The following SLC35F1 variants were observed in gnomAD, a reference collection of about 807,000 sequenced individuals.
SLC35F1 encodes chromosome 6 open reading frame 169.
Under a neutral mutation model 48.7 loss-of-function variants are expected in SLC35F1, and 14 were observed. That is an observed-to-expected ratio of 0.29 (90% CI 0.19 to 0.45). The LOEUF is 0.45. SLC35F1 is among the 20% of genes least tolerant of loss of function. SLC35F1 has a pLI of 1.00. For missense variants in SLC35F1, 404 were observed against 500.0 expected (o/e 0.81, Z 1.83); for synonymous variants, 190 against 202.2 (o/e 0.94, Z 0.51).
chr6:118,117,452 A>G (rs898787906), intron 1 of SLC35F1, among the ~76,000 whole-genome samples: 3 of 152,148 alleles, frequency 2.0e-5, no homozygotes, highest in African/African-American at 7.2e-5. Context: ...AATAAATGAT[A>G]TGTTTCCTGG....
At chr6:118,008,438 G>T (rs183770188) in intron 1 of SLC35F1, among the ~76,000 whole-genome samples, 124 of 152,270 alleles carry the variant, frequency 8.1e-4, no homozygotes, top group African/African-American at 2.7e-3. Context: ...ATATGTTGGG[G>T]TCAATATTTA....
At chr6:118,096,959 T>C (rs1773185575) in intron 1 of SLC35F1, among the ~76,000 whole-genome samples, 1 of 152,180 alleles carries the variant, frequency 6.6e-6, no homozygotes, top group Non-Finnish European at 1.5e-5. Flanking sequence ...ATTTGCAGGA[T>C]CTATTCCCTC....
intron 1 of SLC35F1, among the ~76,000 whole-genome samples, chr6:117,986,011 A>G (rs1776843821): frequency 6.6e-6 from 1 of 152,232 alleles, no homozygotes. Context: ...TTTGGAAGCT[A>G]GGCAGCTATG....
chr6:118,081,384 A>G (rs1772905841), intron 1 of SLC35F1, among the ~76,000 whole-genome samples: 1 of 151,918 alleles, frequency 6.6e-6, no homozygotes, highest in Non-Finnish European at 1.5e-5. Context: ...TAATCCTAAC[A>G]CTGTGGGAGG....
chr6:118,173,610 A>G (rs1774442667), intron 2 of SLC35F1, among the ~76,000 whole-genome samples: 1 of 152,122 alleles, frequency 6.6e-6, no homozygotes, highest in South Asian at 2.1e-4. Context: ...AAGTGTGTGG[A>G]GCCTCCCAGT....
In SLC35F1 at chr6:117,948,390, C is replaced by G. The variant is rs1269786368; in HGVS notation, c.173+40491C>G. Among the ~76,000 whole-genome samples the G allele has an allele frequency of 2.0e-5, 3 of 152,156 alleles. No homozygotes were observed. The East Asian group carries it at 5.8e-4, about 29-fold the overall frequency. ...TTACTCTGAGGTCAAGTCCCTTGCT[C>G]TCTAACTCACGTTCATATAATTTGG... On this transcript the variant is annotated intron_variant, in intron 1 of 7. Coordinates refer to ENST00000360388, the MANE Select transcript of SLC35F1 (RefSeq NM_001029858.4).
intron 1 of SLC35F1, among the ~76,000 whole-genome samples, chr6:118,120,262 A>T (rs1773535404): frequency 6.6e-6 from 1 of 152,178 alleles, no homozygotes; most frequent in African/African-American, 2.4e-5. Flanking sequence ...AGCTATCTGG[A>T]TAATTCCTGA....
intron 2 of SLC35F1, among the ~76,000 whole-genome samples, chr6:118,227,803 T>G (rs1318790264): frequency 6.6e-6 from 1 of 152,146 alleles, no homozygotes. Flanking sequence ...AGGCTTCATG[T>G]GGGAGGTAAC....
At chr6:118,069,570 T>G (rs985877548) in intron 1 of SLC35F1, among the ~76,000 whole-genome samples, 17 of 152,184 alleles carry the variant, frequency 1.1e-4, no homozygotes, top group Non-Finnish European at 2.1e-4. Context: ...ACCACTCAAA[T>G]TTGACAGTTT....
chr6:118,257,863 T>G (rs373010366), intron 3 of SLC35F1, among the ~76,000 whole-genome samples: 27 of 152,302 alleles, frequency 1.8e-4, no homozygotes, highest in African/African-American at 6.3e-4. Flanking sequence ...TATGGAGATT[T>G]CCTGAAATCA....
At chr6:118,045,102 A>G (rs1772282211) in intron 1 of SLC35F1, among the ~76,000 whole-genome samples, 1 of 152,206 alleles carries the variant, frequency 6.6e-6, no homozygotes, top group Non-Finnish European at 1.5e-5. Context: ...TCTTTCAAAG[A>G]CAAAATACTA....
intron 1 of SLC35F1, among the ~76,000 whole-genome samples, chr6:117,977,201 CT>C (rs35727493): frequency 7.3e-4 from 105 of 143,356 alleles, no homozygotes; most frequent in Admixed American, 1.0e-3. Context: ...TTCTTTCTTT[CT>C]TTTTTTTTTT....
intron 1 of SLC35F1, among the ~76,000 whole-genome samples, chr6:117,953,846 G>A (rs1429111159): frequency 1.3e-5 from 2 of 152,178 alleles, no homozygotes; most frequent in Non-Finnish European, 2.9e-5. Context: ...GGGGCACAAA[G>A]CAGATAATTT....
chr6:118,135,179 C>G (rs1055655694), intron 1 of SLC35F1, among the ~76,000 whole-genome samples: 4 of 152,168 alleles, frequency 2.6e-5, no homozygotes, highest in Non-Finnish European at 5.9e-5. Flanking sequence ...CAAGTACACT[C>G]AGGACACACA....
At chr6:117,994,366 CA>C (rs147558970) in intron 1 of SLC35F1, among the ~76,000 whole-genome samples, 2,720 of 152,256 alleles carry the variant, frequency 0.018, 32 homozygotes, top group East Asian at 0.032. Flanking sequence ...GATAACCTCC[CA>C]ATTTTAAGAT....
chr6:118,116,064 G>T (rs1035984071), intron 1 of SLC35F1, among the ~76,000 whole-genome samples: 1 of 152,122 alleles, frequency 6.6e-6, no homozygotes, highest in East Asian at 1.9e-4. Context: ...AAATATGAGA[G>T]ACAAACTTGG....
chr6:118,090,601 A>C (rs553218225), intron 1 of SLC35F1, among the ~76,000 whole-genome samples: 2 of 152,256 alleles, frequency 1.3e-5, no homozygotes, highest in African/African-American at 4.8e-5. Context: ...CCATAGTTGA[A>C]GAACAGTGAG....
intron 1 of SLC35F1, among the ~76,000 whole-genome samples, chr6:118,129,464 T>G (rs1435130599): frequency 6.6e-6 from 1 of 152,114 alleles, no homozygotes; most frequent in Non-Finnish European, 1.5e-5. Context: ...TGATTTGCAT[T>G]TCCTGAACAT....
chr6:117,999,334 G>C, intron 1 of SLC35F1: 1 of 1,595,300 alleles, frequency 6.3e-7, no homozygotes, highest in East Asian at 2.2e-5. Context: ...GGCTGTGCCG[G>C]CCAAAGGCCA....
Sources: gnomAD v4.1 joint callset for allele counts (sites outside exome capture counted in the v4.1 genomes callset) on GRCh38, gnomAD v4.1.1 for gene constraint, MANE v1.5 for transcripts, NCBI Gene and HGNC (gene_info 2026-07-23, HGNC 2026-07-21) for gene names.